Variants in GABRB1 observed in about 807,000 individuals in gnomAD.
GABRB1 encodes the protein gamma-aminobutyric acid type A receptor subunit beta1, also known as gamma-aminobutyric acid receptor subunit beta-1.
GABRB1 carries 17 observed loss-of-function variants against 51.6 expected under a neutral mutation model. That is an observed-to-expected ratio of 0.33 (90% CI 0.23 to 0.49). GABRB1 has a LOEUF of 0.49. GABRB1 is among the 20% of genes least tolerant of loss of function. The pLI is 0.99. For synonymous variants in GABRB1, 247 were observed against 218.9 expected (o/e 1.13, Z -1.14); for missense variants, 410 against 600.6 (o/e 0.68, Z 3.32).
intron 5 of GABRB1, among the ~76,000 whole-genome samples, chr4:47,401,431 C>T (rs1728380103): frequency 1.3e-5 from 2 of 152,178 alleles, no homozygotes; most frequent in East Asian, 1.9e-4. Flanking sequence ...GTGGTAATAC[C>T]CTTCCTTCTT....
intron 5 of GABRB1, among the ~76,000 whole-genome samples, chr4:47,373,630 A>G (rs529247461): frequency 6.6e-6 from 1 of 152,340 alleles, no homozygotes; most frequent in East Asian, 1.9e-4. Context: ...CTCTAGAATA[A>G]GGACAATACC....
intron 4 of GABRB1, among the ~76,000 whole-genome samples, chr4:47,251,501 A>G (rs1669253407): frequency 6.6e-6 from 1 of 152,126 alleles, no homozygotes; most frequent in African/African-American, 2.4e-5. Context: ...GTGGGGCCCT[A>G]GAACTGCCAA....
At chr4:47,189,497 T>C (rs1025245460) in intron 4 of GABRB1, among the ~76,000 whole-genome samples, 4 of 151,868 alleles carry the variant, frequency 2.6e-5, no homozygotes, top group African/African-American at 9.7e-5. Flanking sequence ...CCTCTATAAA[T>C]GAAGAGACTC....
At chr4:47,423,805 G>A (rs892421929) in intron 8 of GABRB1, among the ~76,000 whole-genome samples, 2 of 152,096 alleles carry the variant, frequency 1.3e-5, no homozygotes, top group South Asian at 2.1e-4. Flanking sequence ...TTGAGCCTTG[G>A]TTTTCCTGTC....
chr4:47,214,066 T>A (rs1243809450), intron 4 of GABRB1, among the ~76,000 whole-genome samples: 1 of 152,150 alleles, frequency 6.6e-6, no homozygotes, highest in East Asian at 1.9e-4. Context: ...TTTAAATGGA[T>A]GAAACGCTAG....
chr4:47,193,415 C>T (rs775481610), intron 4 of GABRB1, among the ~76,000 whole-genome samples: 2 of 152,182 alleles, frequency 1.3e-5, no homozygotes, highest in Admixed American at 6.5e-5. Context: ...CCACTGCACC[C>T]GGCCCATATG....
chr4:47,247,723 C>T (rs137977668), intron 4 of GABRB1, among the ~76,000 whole-genome samples: 32 of 151,738 alleles, frequency 2.1e-4, no homozygotes, highest in Middle Eastern at 3.4e-3. Context: ...TCCTTGTAGA[C>T]GACTTTTGAC....
chr4:47,005,464 C>A (rs961059327), intron 1 of GABRB1, among the ~76,000 whole-genome samples: 3 of 151,990 alleles, frequency 2.0e-5, no homozygotes, highest in Admixed American at 1.3e-4. Flanking sequence ...GAGGAAGTGA[C>A]CATCCAGTGA....
At chr4:47,048,460 G>A (rs766564513) in intron 3 of GABRB1, among the ~76,000 whole-genome samples, 16 of 152,234 alleles carry the variant, frequency 1.1e-4, no homozygotes, top group Non-Finnish European at 2.1e-4. Flanking sequence ...ACCTCATACT[G>A]TGCTGGATAA....
intron 3 of GABRB1, among the ~76,000 whole-genome samples, chr4:47,157,536 C>A (rs1341956344): frequency 6.6e-6 from 1 of 151,942 alleles, no homozygotes; most frequent in African/African-American, 2.4e-5. Flanking sequence ...CTCTGACTTG[C>A]AAATAATAAA....
At chr4:47,316,717 T>A (rs1406552663) in intron 4 of GABRB1, among the ~76,000 whole-genome samples, 1 of 151,944 alleles carries the variant, frequency 6.6e-6, no homozygotes, top group East Asian at 1.9e-4. Context: ...TATCATTGAC[T>A]ATAAAGGTGA....
At chr4:47,131,262 G>C (rs771772702) in intron 3 of GABRB1, among the ~76,000 whole-genome samples, 4 of 151,922 alleles carry the variant, frequency 2.6e-5, no homozygotes, top group Non-Finnish European at 5.9e-5. Context: ...AAATTCAAGC[G>C]ATTCTCCTGC....
chr4:47,107,343 A>G (rs1372491), intron 3 of GABRB1, among the ~76,000 whole-genome samples: 50,036 of 151,832 alleles, frequency 0.33, 8,566 homozygotes, highest in Middle Eastern at 0.45. Context: ...TGGATATACA[A>G]CCTCTACTTG....
chr4:47,036,711 A>C (rs991768546), intron 3 of GABRB1, among the ~76,000 whole-genome samples: 24 of 152,150 alleles, frequency 1.6e-4, no homozygotes, highest in African/African-American at 5.8e-4. Context: ...AAAGTATACA[A>C]ATTAGCTGGG....
chr4:47,320,601 G>A (rs1725044462), intron 5 of GABRB1, among the ~76,000 whole-genome samples: 1 of 151,994 alleles, frequency 6.6e-6, no homozygotes, highest in African/African-American at 2.4e-5. Context: ...ACATTATGTT[G>A]GTGTCTTGTG....
chr4:47,021,786 C>T (rs1303338851), intron 1 of GABRB1, among the ~76,000 whole-genome samples: 1 of 151,982 alleles, frequency 6.6e-6, no homozygotes, highest in African/African-American at 2.4e-5. Context: ...CTATGTGACC[C>T]ACTACAAGTT....
chr4:47,331,898 C>T (rs938206254), intron 5 of GABRB1, among the ~76,000 whole-genome samples: 2 of 152,170 alleles, frequency 1.3e-5, no homozygotes, highest in Non-Finnish European at 2.9e-5. Flanking sequence ...CTCAGTCAAT[C>T]TGACTGGCAA....
intron 4 of GABRB1, among the ~76,000 whole-genome samples, chr4:47,279,618 C>T (rs1723203377): frequency 6.6e-6 from 1 of 151,986 alleles, no homozygotes; most frequent in Non-Finnish European, 1.5e-5. Context: ...TTTATAATTG[C>T]TATATCTTCT....
chr4:47,079,110 G>A (rs1190989600), intron 3 of GABRB1, among the ~76,000 whole-genome samples: 1 of 152,164 alleles, frequency 6.6e-6, no homozygotes, highest in Non-Finnish European at 1.5e-5. Flanking sequence ...TTGGTATCAG[G>A]ATGATGCTGG....
Sources: gnomAD v4.1 joint callset for allele counts (sites outside exome capture counted in the v4.1 genomes callset) on GRCh38, gnomAD v4.1.1 for gene constraint, MANE v1.5 for transcripts, NCBI Gene and HGNC (gene_info 2026-07-23, HGNC 2026-07-21) for gene names.